MLIP: variants seen among roughly 807,000 people sequenced by gnomAD.
MLIP encodes muscular LMNA interacting protein.
In MLIP, 79 loss-of-function variants were observed where a neutral mutation model predicts 84.8. That is an observed-to-expected ratio of 0.93 (90% CI 0.78 to 1.12). The LOEUF (loss-of-function observed/expected upper bound fraction) is 1.12, where lower values mean the gene tolerates loss of function less well. MLIP is among the 50% of genes most tolerant of loss of function. The pLI is 0.00. For missense variants in MLIP, 1,257 were observed against 1,160.6 expected (o/e 1.08, Z -1.21); for synonymous variants, 504 against 463.0 (o/e 1.09, Z -1.14).
chr6:54,203,592 C>CTT (rs749549556), intron 11 of MLIP: 22 of 146,670 alleles, frequency 1.5e-4, no homozygotes, highest in African/African-American at 3.7e-4. Flanking sequence ...TTCTTCCTTT[C>CTT]TTTTTTTTTT....
At chr6:54,200,560 C>T (rs916031067) in intron 10 of MLIP, among the ~76,000 whole-genome samples, 10 of 149,752 alleles carry the variant, frequency 6.7e-5, no homozygotes, top group Non-Finnish European at 1.5e-4. Flanking sequence ...AGATATCAGG[C>T]ATCTCCATAA....
intron 3 of MLIP, among the ~76,000 whole-genome samples, chr6:54,135,300 G>C (rs926484140): frequency 2.0e-5 from 3 of 151,942 alleles, no homozygotes; most frequent in African/African-American, 7.2e-5. Context: ...CCATATTCTG[G>C]GTTACGCCAA....
intron 12 of MLIP, among the ~76,000 whole-genome samples, chr6:54,251,913 T>TATATAATATAAATATATATTATAAC (rs1782578415): frequency 1.4e-5 from 1 of 72,454 alleles, no homozygotes; most frequent in African/African-American, 8.0e-5. Flanking sequence ...TAACATATAA[T>TATATAATATAAATATATATTATAAC]ATATAATATA....
chr6:54,037,536 CA>C (rs1369358822), intron 1 of MLIP, among the ~76,000 whole-genome samples: 6 of 151,900 alleles, frequency 3.9e-5, no homozygotes, highest in Non-Finnish European at 7.4e-5. Flanking sequence ...TAGATGTCTC[CA>C]AACAGTAACA....
rs1302809427 is a variant in MLIP, at chr6:54,202,085, T to A, written c.2590-20T>A. On this transcript the variant is annotated intron_variant, in intron 10 of 13. Transcript: ENST00000502396. ...GTGTTTTTTTCCTGTTTTTAAAATA[T>A]TTATTTTACATTCATGAAGACTAAG... 2.0e-6 allele frequency: 3 copies of A among 1,480,174 alleles called. No individual in the cohort carries two copies. The highest frequency in any genetic ancestry group is 2.7e-6 in the Non-Finnish European group (3 of 1,108,054). 91.7% of individuals were successfully genotyped at this position (1,480,174 alleles called of 1,614,324 possible).
Position 54,202,230 on chromosome 6 carries a change from A to G in MLIP, c.2715A>G (p.Glu905=), listed in dbSNP as rs1723385500. 8.6e-6 allele frequency: 13 copies of G among 1,510,670 alleles called. No individual in the cohort carries two copies. Among genetic ancestry groups the G allele is most frequent in the African/African-American group, 1.4e-5 (1 of 70,962 alleles). 93.6% of individuals were successfully genotyped at this position (1,510,670 alleles called of 1,614,324 possible). A position where few individuals can be genotyped will look rare whatever the true frequency, so the allele number is the denominator to read the frequency against. The change falls in exon 11 of 14, where the codon GAA becomes GAG. Residue 905 remains glutamate (E), a synonymous_variant. Transcript: ENST00000502396. ...YLEDNSDLFS[E]QDVTVPPKPV... is the part of the protein sequence containing the mutation. ...AAGATAACAGCGACCTCTTTTCTGA[A>G]CAGGTGAGCACATACAAGAGAAAAT...
In MLIP at chr6:54,151,877, C is replaced by T. The variant is rs559577360; in HGVS notation, c.2289+2750C>T. Among the ~76,000 whole-genome samples the T allele has an allele frequency of 7.2e-5, 11 of 152,160 alleles. No individual in the cohort carries two copies. The East Asian group carries it at 2.1e-3, about 29-fold the overall frequency. The stretch of plus-strand genomic sequence containing the variant: ...CCCTTGCAATGAGATGTTAAGCTCT[C>T]GTTGAATTACTGGATTGGTTTCAGT... On this transcript the variant is annotated intron_variant, in intron 5 of 13. Coordinates refer to ENST00000502396, the MANE Select transcript of MLIP (RefSeq NM_001281747.2).
intron 4 of MLIP, among the ~76,000 whole-genome samples, chr6:54,145,562 A>C (rs947367550): frequency 6.6e-6 from 1 of 152,066 alleles, no homozygotes; most frequent in Non-Finnish European, 1.5e-5. Flanking sequence ...CCTTAAACCT[A>C]AGAATTCAAG....
intron 5 of MLIP, among the ~76,000 whole-genome samples, chr6:54,152,246 T>C (rs974542985): frequency 6.6e-6 from 1 of 152,140 alleles, no homozygotes; most frequent in Non-Finnish European, 1.5e-5. Flanking sequence ...TCAGATTACA[T>C]TGTGACTGTC....
At position 54,025,113 on chromosome 6, in the gene MLIP, T is replaced by G. The variant is rs540972502; in HGVS notation, c.63+6022T>G. ...CTCTGCCCGCCTCGGCCTCTCAAAG[T>G]GCTAGAATTACAGGCGTGAGCCGTT... On this transcript the variant is annotated intron_variant, in intron 1 of 12. Coordinates refer to the MLIP transcript ENST00000274897. Among the ~76,000 whole-genome samples, 36 of 151,994 alleles carry G rather than the reference T, an allele frequency of 2.4e-4. No individual in the cohort carries two copies. In the South Asian group the frequency reaches 7.3e-3, roughly 31 times the overall value.
At chr6:54,201,133 G>A (rs1335322048) in intron 10 of MLIP, among the ~76,000 whole-genome samples, 1 of 152,158 alleles carries the variant, frequency 6.6e-6, no homozygotes, top group Non-Finnish European at 1.5e-5. Flanking sequence ...TGGTGTTTGT[G>A]AAACATCACA....
intron 1 of MLIP, among the ~76,000 whole-genome samples, chr6:54,044,374 G>A (rs1380694289): frequency 2.6e-5 from 4 of 152,210 alleles, no homozygotes; most frequent in Non-Finnish European, 5.9e-5. Context: ...TTTGTGTGAT[G>A]TGGCACCACA....
chr6:54,194,874 C>A (rs1184055636), intron 10 of MLIP, among the ~76,000 whole-genome samples: 2 of 151,428 alleles, frequency 1.3e-5, no homozygotes, highest in Admixed American at 6.6e-5. Context: ...ATATTGGGAG[C>A]TTTACCCTAT....
chr6:54,084,954 G>T (rs1316561299), intron 1 of MLIP, among the ~76,000 whole-genome samples: 2 of 152,186 alleles, frequency 1.3e-5, no homozygotes, highest in African/African-American at 4.8e-5. Context: ...CTAGGAATGT[G>T]TTCCAATTTT....
intron 4 of MLIP, among the ~76,000 whole-genome samples, chr6:54,143,141 C>T (rs367905185): frequency 7.0e-4 from 107 of 151,988 alleles, no homozygotes; most frequent in Middle Eastern, 3.4e-3. Context: ...ATCCTAGTAA[C>T]GGTTCGCACT....
intron 4 of MLIP, among the ~76,000 whole-genome samples, chr6:54,141,544 T>G (rs187061464): frequency 2.4e-4 from 36 of 152,242 alleles, no homozygotes; most frequent in African/African-American, 8.2e-4. Flanking sequence ...TGACCACAAG[T>G]GATCCGCCTG....
chr6:54,133,325 T>G (rs816378), intron 3 of MLIP, among the ~76,000 whole-genome samples: 65,795 of 151,940 alleles, frequency 0.43, 15,472 homozygotes, highest in African/African-American at 0.62. Flanking sequence ...CTGAGAATCT[T>G]CCCTGTAGCA....
At chr6:54,216,742 A>G (rs1291043033) in intron 11 of MLIP, 19 of 985,342 alleles carry the variant, frequency 1.9e-5, no homozygotes, top group Non-Finnish European at 2.3e-5. Context: ...GAAAAAATGC[A>G]TATGGATTCT....
At chr6:54,155,484 A>G (rs774724157) in intron 5 of MLIP, among the ~76,000 whole-genome samples, 17 of 152,150 alleles carry the variant, frequency 1.1e-4, no homozygotes, top group Non-Finnish European at 2.4e-4. Flanking sequence ...TCAATCAAAT[A>G]GATAGTCTAA....
Sources: gnomAD v4.1 joint callset for allele counts (sites outside exome capture counted in the v4.1 genomes callset) on GRCh38, gnomAD v4.1.1 for gene constraint, MANE v1.5 for transcripts, NCBI Gene and HGNC (gene_info 2026-07-23, HGNC 2026-07-21) for gene names.